The following LRRC1 variants were observed in gnomAD, a reference collection of about 807,000 sequenced individuals.
LRRC1 encodes leucine-rich repeat-containing protein 1.
Under a neutral mutation model 69.9 loss-of-function variants are expected in LRRC1, and 28 were observed. That is an observed-to-expected ratio of 0.40 (90% CI 0.30 to 0.55). The LOEUF (loss-of-function observed/expected upper bound fraction) is 0.55, where lower values mean the gene tolerates loss of function less well. Among genes scored for constraint, LRRC1 ranks in the 20% least tolerant of loss-of-function variants. The pLI is 0.47. For synonymous variants in LRRC1, 236 were observed against 240.2 expected, an observed-to-expected ratio of 0.98 and a Z score of 0.16; for missense variants, 498 against 609.0, an observed-to-expected ratio of 0.82 and a Z score of 1.92.
In LRRC1 at chr6:53,882,827, G is replaced by A. The variant is rs536302082; in HGVS notation, c.357-60G>A. On this transcript the variant is annotated intron_variant, in intron 3 of 13. Coordinates refer to ENST00000370888, the MANE Select transcript of LRRC1 (RefSeq NM_018214.5). ...GAATAAATCATTATATTTATGCTTG[G>A]TATACACTATACATGAACTTTTTTA... 68 of 959,460 alleles carry A rather than the reference G, an allele frequency of 7.1e-5. No homozygotes were observed. In the African/African-American group the frequency reaches 9.2e-4, roughly 13 times the overall value. The allele number at this position is 959,460 out of a possible 1,614,324, so 59.4% of individuals were successfully genotyped here.
Position 53,894,192 on chromosome 6 carries a change from G to A in LRRC1, c.447-2306G>A, listed in dbSNP as rs77240013. On this transcript the variant is annotated intron_variant, in intron 4 of 13. Coordinates refer to ENST00000370888, the MANE Select transcript of LRRC1 (RefSeq NM_018214.5). ...CCAGGGTTGAATTGTGGTTTTGCCT[G>A]TTTCTATCAAGTGGGCCTCACACAA... Among the ~76,000 whole-genome samples, 483 of 152,322 alleles carry A rather than the reference G, an allele frequency of 3.2e-3. 7 individuals are homozygous for A. The East Asian group carries it at 0.041, about 13-fold the overall frequency.
chr6:53,921,407 T>C (rs569570639), intron 13 of LRRC1, among the ~76,000 whole-genome samples: 3 of 152,352 alleles, frequency 2.0e-5, no homozygotes, highest in African/African-American at 4.8e-5. Flanking sequence ...TCTTCCCATG[T>C]TGACTCCATT....
At chr6:53,909,996 TCTC>T (rs1768360005) in intron 10 of LRRC1, among the ~76,000 whole-genome samples, 1 of 152,156 alleles carries the variant, frequency 6.6e-6, no homozygotes, top group African/African-American at 2.4e-5. Context: ...TGTCTCATGA[TCTC>T]CTCCTTGGGT....
chr6:53,855,451 C>A (rs1766279572), intron 2 of LRRC1, among the ~76,000 whole-genome samples: 1 of 152,146 alleles, frequency 6.6e-6, no homozygotes, highest in Non-Finnish European at 1.5e-5. Flanking sequence ...TAGCCCAGAG[C>A]CAGTGGGGAA....
Position 53,922,655 on chromosome 6 carries a change from C to T in LRRC1, c.1437C>T (p.Ala479=). ...DNETRTLLRR[A]TPHPGELKHM... is the part of the protein sequence containing the mutation. ...TTTAGAGAACACTTCTAAGGCGAGC[C>T]ACTCCACACCCAGGGGAGTTAAAGC... Residue 479 remains alanine, a synonymous_variant, in exon 14 of 14, where the codon GCC becomes GCT. Coordinates refer to ENST00000370888, the MANE Select transcript of LRRC1 (RefSeq NM_018214.5). 1 of 1,613,774 alleles carries T rather than the reference C, an allele frequency of 6.2e-7. No homozygotes were observed. The highest frequency in any genetic ancestry group is 8.5e-7 in the Non-Finnish European group (1 of 1,179,796).
intron 9 of LRRC1, among the ~76,000 whole-genome samples, chr6:53,903,298 C>G (rs1768122225): frequency 6.6e-6 from 1 of 151,752 alleles, no homozygotes; most frequent in African/African-American, 2.4e-5. Flanking sequence ...GAGGGGTCCT[C>G]TACCTGGACC....
chr6:53,882,124 G>A (rs963482578), intron 3 of LRRC1, among the ~76,000 whole-genome samples: 4 of 152,146 alleles, frequency 2.6e-5, no homozygotes, highest in African/African-American at 9.7e-5. Flanking sequence ...CAAGGCGGGT[G>A]GATCACTAGG....
rs148618891 is a variant in LRRC1, at chr6:53,833,894, T to C, written c.160-8216T>C. Among the ~76,000 whole-genome samples, 685 of 152,360 alleles carry C rather than the reference T, an allele frequency of 4.5e-3. 3 individuals are homozygous for C. Among genetic ancestry groups the C allele is most frequent in the Non-Finnish European group, 6.7e-3 (459 of 68,030 alleles). On this transcript the variant is annotated intron_variant, in intron 1 of 13. Coordinates refer to ENST00000370888, the MANE Select transcript of LRRC1 (RefSeq NM_018214.5). ...TAGTACATGAATATAAACTATTTTG[T>C]CAATCAGTATTTCAAATTCTTAAGT...
chr6:53,831,378 G>A (rs1011550989), intron 1 of LRRC1, among the ~76,000 whole-genome samples: 3 of 152,130 alleles, frequency 2.0e-5, no homozygotes, highest in Non-Finnish European at 4.4e-5. Flanking sequence ...CTTAGTATTT[G>A]CGATATTCTA....
At chr6:53,909,171 G>A (rs1391292783) in intron 10 of LRRC1, among the ~76,000 whole-genome samples, 1 of 152,198 alleles carries the variant, frequency 6.6e-6, no homozygotes, top group African/African-American at 2.4e-5. Flanking sequence ...CATGTGCCAG[G>A]CATGGTGCCA....
At chr6:53,883,914 G>A (rs960594194) in intron 4 of LRRC1, 2 of 717,580 alleles carry the variant, frequency 2.8e-6, no homozygotes, top group Non-Finnish European at 5.2e-6. Flanking sequence ...AAGAATATTT[G>A]CAGACAGCTT....
At chr6:53,885,316 A>G (rs1767437986) in intron 4 of LRRC1, among the ~76,000 whole-genome samples, 1 of 152,242 alleles carries the variant, frequency 6.6e-6, no homozygotes, top group Non-Finnish European at 1.5e-5. Context: ...CCTTGTGGCA[A>G]GGCTTCATTC....
At chr6:53,850,628 C>T (rs146000302) in intron 2 of LRRC1, among the ~76,000 whole-genome samples, 83 of 152,300 alleles carry the variant, frequency 5.4e-4, no homozygotes, top group African/African-American at 1.7e-3. Context: ...TACTGTGTTG[C>T]AAAGGGTTTG....
chr6:53,876,489 T>C (rs544893642), intron 2 of LRRC1, among the ~76,000 whole-genome samples: 91 of 152,218 alleles, frequency 6.0e-4, no homozygotes, highest in Non-Finnish European at 4.3e-4. Context: ...AAGTCCACAG[T>C]CCAAATCTTA....
chr6:53,916,511 G>C (rs532903007), intron 11 of LRRC1, among the ~76,000 whole-genome samples: 2 of 151,902 alleles, frequency 1.3e-5, no homozygotes, highest in East Asian at 3.9e-4. Context: ...TTTTGGTGGG[G>C]TTTTTTTCCT....
chr6:53,871,727 T>C (rs545087180), intron 2 of LRRC1, among the ~76,000 whole-genome samples: 1 of 152,218 alleles, frequency 6.6e-6, no homozygotes, highest in African/African-American at 2.4e-5. Context: ...GGGTGCAGTA[T>C]CGTGATCTCA....
At chr6:53,801,805 C>T (rs1764494609) in intron 1 of LRRC1, among the ~76,000 whole-genome samples, 1 of 152,096 alleles carries the variant, frequency 6.6e-6, no homozygotes. Flanking sequence ...TTCAATTAAA[C>T]ATTTAGTGAG....
intron 1 of LRRC1, among the ~76,000 whole-genome samples, chr6:53,812,172 G>A (rs1187520007): frequency 1.3e-5 from 2 of 152,206 alleles, no homozygotes; most frequent in African/African-American, 4.8e-5. Context: ...ATTTTGTAGG[G>A]AGAGGAGTGT....
At chr6:53,874,909 C>G (rs1262582252) in intron 2 of LRRC1, among the ~76,000 whole-genome samples, 1 of 152,022 alleles carries the variant, frequency 6.6e-6, no homozygotes, top group African/African-American at 2.4e-5. Flanking sequence ...TTAAAAATCA[C>G]AGTATTTAAA....
Sources: allele counts gnomAD v4.1 joint callset (sites outside exome capture counted in the v4.1 genomes callset), GRCh38; gene constraint gnomAD v4.1.1; transcripts MANE v1.5; gene names NCBI Gene and HGNC (gene_info 2026-07-23, HGNC 2026-07-21).